The following SPAG17 variants were observed in gnomAD, a reference collection of about 807,000 sequenced individuals.
SPAG17 encodes the protein sperm-associated antigen 17.
A neutral mutation model predicts 273.6 loss-of-function variants in SPAG17; 169 were observed. That is an observed-to-expected ratio of 0.62 (90% CI 0.55 to 0.70). SPAG17 has a LOEUF of 0.70. Ranked by LOEUF, SPAG17 falls within the 30% of genes least tolerant of loss-of-function variation. SPAG17 has a pLI of 0.00. For missense variants in SPAG17, 2,557 were observed against 2,627.8 expected (o/e 0.97, Z 0.59); for synonymous variants, 825 against 873.2 (o/e 0.94, Z 0.97).
In SPAG17 at chr1:118,142,623, G is replaced by A. The variant is rs531017957; in HGVS notation, c.315+7920C>T. ...AAACTTTATGGACACTTAAGTCTGT[G>A]CCAGGTAATAAGTATTTTATATTTA... is the stretch of plus-strand genomic sequence containing the variant. On this transcript the variant is annotated intron_variant, in intron 3 of 48. Transcript: ENST00000336338. Among the ~76,000 whole-genome samples, 4 of 152,206 alleles carry A rather than the reference G, an allele frequency of 2.6e-5. No individual in the cohort carries two copies. In the East Asian group the frequency reaches 5.8e-4, roughly 22 times the overall value.
chr1:118,153,993 G>A (rs1423062330), intron 1 of SPAG17, among the ~76,000 whole-genome samples: 1 of 152,124 alleles, frequency 6.6e-6, no homozygotes. Context: ...CAAGCGCAAA[G>A]CTCTTGTTCC....
intron 3 of SPAG17, among the ~76,000 whole-genome samples, chr1:118,122,865 T>C (rs1048773323): frequency 3.3e-5 from 5 of 152,092 alleles, no homozygotes; most frequent in East Asian, 3.9e-4. Flanking sequence ...ACAGCCCAAG[T>C]TGTGAGAGCA....
At chr1:118,169,592 A>G (rs971620498) in intron 1 of SPAG17, among the ~76,000 whole-genome samples, 1 of 152,154 alleles carries the variant, frequency 6.6e-6, no homozygotes, top group Non-Finnish European at 1.5e-5. Context: ...ATGTCCAATA[A>G]AATGCATTTT....
intron 7 of SPAG17, 146 bp from the exon 8 acceptor site, chr1:118,093,463 A>C: frequency 1.4e-6 from 1 of 705,814 alleles, no homozygotes. Flanking sequence ...AATCCCAACC[A>C]TGGTGACCCC....
At chr1:118,118,482 T>A (rs1266820364) in intron 3 of SPAG17, among the ~76,000 whole-genome samples, 19 of 152,314 alleles carry the variant, frequency 1.2e-4, no homozygotes, top group Non-Finnish European at 4.4e-5. Context: ...GGTTAAAACC[T>A]TAGTTCTCTT....
At chr1:117,984,429 G>GTGAGAC (rs1237823271) in intron 41 of SPAG17, among the ~76,000 whole-genome samples, 4 of 152,184 alleles carry the variant, frequency 2.6e-5, no homozygotes, top group African/African-American at 9.6e-5. Context: ...GTAAGTAATA[G>GTGAGAC]TGAGACTGAA....
At chr1:118,157,593 C>T (rs2102364053) in intron 1 of SPAG17, among the ~76,000 whole-genome samples, 1 of 152,256 alleles carries the variant, frequency 6.6e-6, no homozygotes, top group South Asian at 2.1e-4. Flanking sequence ...CCCCTGCCAA[C>T]AAATGACTAG....
intron 1 of SPAG17, among the ~76,000 whole-genome samples, chr1:118,165,645 C>CTTTTTTTTT (rs5777341): frequency 9.2e-6 from 1 of 108,352 alleles, no homozygotes; most frequent in Admixed American, 1.1e-4. Flanking sequence ...AAAAAACTTT[C>CTTTTTTTTT]TTTTTTTTTT....
chr1:118,137,159 G>A (rs1292512152), intron 3 of SPAG17, among the ~76,000 whole-genome samples: 2 of 152,132 alleles, frequency 1.3e-5, no homozygotes, highest in African/African-American at 2.4e-5. Context: ...GTAGGTCTTG[G>A]CAGTGGTGGC....
intron 3 of SPAG17, among the ~76,000 whole-genome samples, chr1:118,122,977 C>T (rs1657506497): frequency 6.6e-6 from 1 of 151,930 alleles, no homozygotes; most frequent in Non-Finnish European, 1.5e-5. Context: ...AACCCTTTGT[C>T]CAATCTGAAA....
intron 3 of SPAG17, among the ~76,000 whole-genome samples, chr1:118,130,284 CTAGT>C (rs1558033820): frequency 6.6e-6 from 1 of 152,078 alleles, no homozygotes; most frequent in Non-Finnish European, 1.5e-5. Context: ...CTCTGGGAAC[CTAGT>C]TAAAGATATG....
chr1:117,996,838 G>T, intron 32 of SPAG17, 95 bp from the exon 33 acceptor site: 1 of 1,292,564 alleles, frequency 7.7e-7, no homozygotes. Flanking sequence ...GATTTGGTGG[G>T]TTTACTCACA....
rs147683538 is a variant in SPAG17, at chr1:118,070,784, A to C, written c.2385+3070T>G. Among the ~76,000 whole-genome samples the C allele has an allele frequency of 2.4e-3, 366 of 152,304 alleles. 2 individuals carry two copies. The highest frequency in any genetic ancestry group is 7.7e-3 in the African/African-American group (321 of 41,572). ...AAAAGTAATCAATGCCACCTTTTTA[A>C]AGTCTTGGAAATTGAGTGTGTAATA... On this transcript the variant is annotated intron_variant, in intron 17 of 48. Transcript: ENST00000336338.
At chr1:117,956,280 T>A (rs922181966) in intron 48 of SPAG17, among the ~76,000 whole-genome samples, 3 of 152,186 alleles carry the variant, frequency 2.0e-5, no homozygotes, top group African/African-American at 7.2e-5. Context: ...GGCACCATAC[T>A]TTATTTTCTT....
intron 15 of SPAG17, among the ~76,000 whole-genome samples, chr1:118,080,373 A>G (rs1012155848): frequency 6.6e-6 from 1 of 152,206 alleles, no homozygotes; most frequent in Non-Finnish European, 1.5e-5. Context: ...TGAAAAGAGC[A>G]GGCTGTGCAG....
rs1027994174 is a variant in SPAG17, at chr1:118,185,064, G to T, written c.87+7C>A. 6.2e-7 allele frequency: 1 copy of T among 1,613,696 alleles called. No homozygotes were observed. Among genetic ancestry groups the T allele is most frequent in the South Asian group, 1.1e-5 (1 of 91,072 alleles). On this transcript the variant is annotated splice_region_variant and intron_variant, in intron 1 of 48. Transcript: ENST00000336338. Reference sequence around the variant, plus strand: ...GGCAGGGAGGGCTTAAAGGGCTCAAGGCTCACCTGATTGAACTGTGCAGCT... The same window carrying T: ...GGCAGGGAGGGCTTAAAGGGCTCAATGCTCACCTGATTGAACTGTGCAGCT...
At chr1:118,183,149 T>C (rs1009120454) in intron 1 of SPAG17, among the ~76,000 whole-genome samples, 1 of 152,130 alleles carries the variant, frequency 6.6e-6, no homozygotes, top group Non-Finnish European at 1.5e-5. Context: ...AATTCTTTCC[T>C]TCTCTCTCAC....
intron 43 of SPAG17, among the ~76,000 whole-genome samples, chr1:117,978,511 C>T (rs1257381930): frequency 6.6e-6 from 1 of 152,184 alleles, no homozygotes; most frequent in African/African-American, 2.4e-5. Flanking sequence ...ATTTGCAAAT[C>T]AATAGGCTCT....
At chr1:118,181,626 CTCATA>C (rs1308066361) in intron 1 of SPAG17, among the ~76,000 whole-genome samples, 1 of 152,114 alleles carries the variant, frequency 6.6e-6, no homozygotes, top group Non-Finnish European at 1.5e-5. Flanking sequence ...GAGCTATCAT[CTCATA>C]TCTGTTAGGA....
Sources: gnomAD v4.1 joint callset for allele counts (sites outside exome capture counted in the v4.1 genomes callset) on GRCh38, gnomAD v4.1.1 for gene constraint, MANE v1.5 for transcripts, NCBI Gene and HGNC (gene_info 2026-07-23, HGNC 2026-07-21) for gene names.